Variants in ERI1 observed in about 807,000 individuals in gnomAD.
The protein encoded by ERI1 is 3'-5' exoribonuclease 1.
ERI1 carries 39 observed loss-of-function variants against 39.7 expected under a neutral mutation model. The ratio of observed to expected loss-of-function variants is 0.98; its 90% CI spans 0.76 to 1.28. The LOEUF is 1.28. Ranked by LOEUF, ERI1 falls within the 50% of genes most tolerant of loss-of-function variation. ERI1 has a pLI of 0.00. For missense variants in ERI1, 581 were observed against 416.9 expected (o/e 1.39, Z -3.43); for synonymous variants, 204 against 149.6 (o/e 1.36, Z -2.65).
intron 3 of ERI1, among the ~76,000 whole-genome samples, chr8:9,069,667 G>C (rs919711974): frequency 6.6e-6 from 1 of 152,126 alleles, no homozygotes; most frequent in East Asian, 1.9e-4. Context: ...TCGTATCTCA[G>C]CATCGTGCAA....
chr8:9,029,952 A>G lies in ERI1; in HGVS notation c.968A>G (p.His323Arg). 2.5e-6 allele frequency: 4 copies of G among 1,614,188 alleles called. No homozygotes were observed. The highest frequency in any genetic ancestry group is 1.1e-5 in the South Asian group (1 of 91,090). Residue 323 changes from histidine to arginine, a missense_variant, in exon 7 of 7, where the codon CAT becomes CGT. His to Arg is a conservative substitution (Grantham distance 29, BLOSUM62 0). Coordinates refer to ENST00000250263, the MANE Select transcript of ERI1 (RefSeq NM_153332.4). ...GAACTCCGAATCAACGAGAAAATGC[A>G]TGCAGGACAGCTAATGAGTGTGTCC... ...GCELRINEKMHAGQLMSVSSS... is the reference protein window; with the variant it reads ...GCELRINEKMRAGQLMSVSSS...
At chr8:9,034,385 T>G (rs745747706), downstream of ERI1, among the ~76,000 whole-genome samples, 29 of 152,372 alleles carry the variant, frequency 1.9e-4, no homozygotes, top group Middle Eastern at 3.4e-3. Flanking sequence ...ACTGAAAGTT[T>G]GTGTGAATCC....
chr8:9,073,199 C>T (rs1010557158), intron 3 of ERI1, among the ~76,000 whole-genome samples: 1 of 152,226 alleles, frequency 6.6e-6, no homozygotes, highest in Non-Finnish European at 1.5e-5. Flanking sequence ...ATTTTGGAAG[C>T]GCAGTGAATC....
chr8:9,039,886 G>A (rs1176426281), intron 3 of ERI1, among the ~76,000 whole-genome samples: 1 of 151,974 alleles, frequency 6.6e-6, no homozygotes, highest in Non-Finnish European at 1.5e-5. Flanking sequence ...AAATGATTGT[G>A]GTCAGTTTTT....
chr8:9,021,571 A>G (rs1817896176), intron 6 of ERI1, among the ~76,000 whole-genome samples: 1 of 152,196 alleles, frequency 6.6e-6, no homozygotes, highest in African/African-American at 2.4e-5. Context: ...ATTGCTATAA[A>G]GCAAATACCC....
chr8:9,010,236 G>C (rs1816518112), intron 2 of ERI1, among the ~76,000 whole-genome samples: 1 of 152,150 alleles, frequency 6.6e-6, no homozygotes, highest in African/African-American at 2.4e-5. Flanking sequence ...TTGTATGTTT[G>C]TCCTGCCATT....
chr8:9,083,738 G>A (rs1799438227), intron 3 of ERI1, among the ~76,000 whole-genome samples: 1 of 151,944 alleles, frequency 6.6e-6, no homozygotes, highest in African/African-American at 2.4e-5. Flanking sequence ...AGAATTGCTT[G>A]AATCCAGGAG....
At chr8:9,058,506 A>T (rs1365384167) in intron 3 of ERI1, among the ~76,000 whole-genome samples, 2 of 152,176 alleles carry the variant, frequency 1.3e-5, no homozygotes, top group African/African-American at 4.8e-5. Flanking sequence ...TGATAATGAC[A>T]TTGTGGCATT....
chr8:9,093,618 C>T (rs866211845), intron 3 of ERI1, among the ~76,000 whole-genome samples: 12 of 152,058 alleles, frequency 7.9e-5, no homozygotes, highest in African/African-American at 2.2e-4. Context: ...CCCAGGCTGG[C>T]GTGCAGTGGT....
chr8:9,003,573 A>G (rs1243892728), intron 1 of ERI1, among the ~76,000 whole-genome samples: 1 of 152,346 alleles, frequency 6.6e-6, no homozygotes, highest in Admixed American at 6.5e-5. Context: ...TTTTAAAAAA[A>G]GAAAAAATTT....
At chr8:9,067,670 A>AC (rs56400865) in intron 3 of ERI1, among the ~76,000 whole-genome samples, 1 of 150,626 alleles carries the variant, frequency 6.6e-6, no homozygotes, top group African/African-American at 2.4e-5. Context: ...AAAAAAAAAA[A>AC]GGTGACAAGA....
chr8:9,097,855 G>T (rs568648249), intron 3 of ERI1, among the ~76,000 whole-genome samples: 1 of 151,964 alleles, frequency 6.6e-6, no homozygotes, highest in Non-Finnish European at 1.5e-5. Context: ...AAAAAAAAAT[G>T]CTTAACAACC....
chr8:9,010,004 G>A (rs1476797068), intron 2 of ERI1, among the ~76,000 whole-genome samples: 1 of 152,220 alleles, frequency 6.6e-6, no homozygotes, highest in African/African-American at 2.4e-5. Context: ...GCAGAAAATT[G>A]GTGTTAGTGC....
At chr8:9,082,736 G>A (rs539319954) in intron 3 of ERI1, among the ~76,000 whole-genome samples, 1 of 152,160 alleles carries the variant, frequency 6.6e-6, no homozygotes, top group Non-Finnish European at 1.5e-5. Flanking sequence ...CGGACAGAAA[G>A]TCCACCCTTG....
chr8:9,097,417 C>T (rs1799909899), intron 3 of ERI1, among the ~76,000 whole-genome samples: 1 of 152,110 alleles, frequency 6.6e-6, no homozygotes, highest in Non-Finnish European at 1.5e-5. Context: ...AATCCCAACA[C>T]TTTGGGAGGC....
intron 3 of ERI1, among the ~76,000 whole-genome samples, chr8:9,044,958 C>T (rs1205036096): frequency 6.6e-6 from 1 of 152,082 alleles, no homozygotes; most frequent in East Asian, 1.9e-4. Flanking sequence ...AGTAATATTG[C>T]CAGGCGTGGT....
chr8:9,094,835 A>G (rs1799824392), intron 3 of ERI1, among the ~76,000 whole-genome samples: 1 of 152,162 alleles, frequency 6.6e-6, no homozygotes, highest in Admixed American at 6.5e-5. Flanking sequence ...AAATATTAAG[A>G]TTGGAGAGAT....
At chr8:9,008,515 AAG>A (rs1585186026) in intron 2 of ERI1, among the ~76,000 whole-genome samples, 2 of 152,324 alleles carry the variant, frequency 1.3e-5, no homozygotes, top group East Asian at 1.9e-4. Context: ...CTTTTATAAA[AAG>A]AGTTTGTTTG....
At chr8:9,072,451 A>G (rs2117429726) in intron 3 of ERI1, 1 of 152,142 alleles carries the variant, frequency 6.6e-6, no homozygotes, top group South Asian at 2.1e-4. Flanking sequence ...TCTGTTTTTT[A>G]CTGTGGGGTT....
Sources: gnomAD v4.1 joint callset for allele counts (sites outside exome capture counted in the v4.1 genomes callset) on GRCh38, gnomAD v4.1.1 for gene constraint, MANE v1.5 for transcripts, NCBI Gene and HGNC (gene_info 2026-07-23, HGNC 2026-07-21) for gene names.